The following SLC14A2 variants were observed in gnomAD, a reference collection of about 807,000 sequenced individuals.
The protein encoded by SLC14A2 is urea transporter 2.
SLC14A2 carries 91 observed loss-of-function variants against 104.6 expected under a neutral mutation model. That is an observed-to-expected ratio of 0.87 (90% CI 0.73 to 1.04). The LOEUF is 1.04. SLC14A2 is among the 50% of genes least tolerant of loss of function. The pLI is 0.00. For synonymous variants in SLC14A2, 476 were observed against 466.4 expected, an observed-to-expected ratio of 1.02 and a Z score of -0.27; for missense variants, 1,189 against 1,156.0, an observed-to-expected ratio of 1.03 and a Z score of -0.41.
At chr18:45,407,564 C>T (rs1488033823) in intron 1 of SLC14A2, among the ~76,000 whole-genome samples, 1 of 152,210 alleles carries the variant, frequency 6.6e-6, no homozygotes, top group African/African-American at 2.4e-5. Context: ...GGCTAACTGG[C>T]TCAAGAATCC....
chr18:45,397,935 A>T (rs1165070867), intron 1 of SLC14A2, among the ~76,000 whole-genome samples: 1 of 101,710 alleles, frequency 9.8e-6, no homozygotes, highest in Non-Finnish European at 2.3e-5. Context: ...TGTGATTATG[A>T]TATAAATAAA....
At chr18:45,215,844 T>A (rs2084005715) in intron 1 of SLC14A2, among the ~76,000 whole-genome samples, 2 of 151,912 alleles carry the variant, frequency 1.3e-5, no homozygotes, top group Non-Finnish European at 2.9e-5. Context: ...ATAATGGTAT[T>A]TTTTTTTGGT....
intron 1 of SLC14A2, among the ~76,000 whole-genome samples, chr18:45,480,652 C>T (rs2144695893): frequency 6.6e-6 from 1 of 152,286 alleles, no homozygotes; most frequent in African/African-American, 2.4e-5. Flanking sequence ...GCAGAGCTCC[C>T]CTTACATGCC....
At chr18:45,628,442 CAAA>C (rs59400362) in intron 4 of SLC14A2, among the ~76,000 whole-genome samples, 35 of 124,280 alleles carry the variant, frequency 2.8e-4, no homozygotes, top group Non-Finnish European at 3.4e-4. Context: ...GACTCTGCCT[CAAA>C]AAAAAAAAAA....
In SLC14A2 at chr18:45,388,225, G is replaced by T. The variant is rs184432766; in HGVS notation, c.-124-95008G>T. Among the ~76,000 whole-genome samples, 674 of 151,906 alleles carry T rather than the reference G, an allele frequency of 4.4e-3. 16 individuals carry two copies. Among genetic ancestry groups the T allele is most frequent in the Admixed American group, 0.042 (635 of 15,246 alleles). ...CTACAGGTGCCTGCCAACACGCCCG[G>T]CTAATTTTTTGTATTTTTAGTAGAG... On this transcript the variant is annotated intron_variant, in intron 1 of 20. Coordinates refer to the SLC14A2 transcript ENST00000586448.
At chr18:45,657,892 C>T (rs2045868852) in intron 10 of SLC14A2, among the ~76,000 whole-genome samples, 1 of 152,180 alleles carries the variant, frequency 6.6e-6, no homozygotes, top group Non-Finnish European at 1.5e-5. Flanking sequence ...ATCCCACTTA[C>T]CACCCACAAG....
chr18:45,665,209 T>G (rs2045996435), intron 11 of SLC14A2, among the ~76,000 whole-genome samples: 1 of 152,116 alleles, frequency 6.6e-6, no homozygotes, highest in African/African-American at 2.4e-5. Context: ...CCCTGACGAC[T>G]CATGAGTGCA....
rs531598044 is a variant in SLC14A2, at chr18:45,654,068, G to A, written c.1352-9717G>A. Among the ~76,000 whole-genome samples the A allele has an allele frequency of 1.2e-4, 19 of 152,276 alleles. No individual in the cohort carries two copies. The East Asian group carries it at 2.7e-3, about 22-fold the overall frequency. ...GAAACCTACCTGATCCAACCAGGTCGGGGGAACCATGGTAGCTGAAGCTAG... is the reference window on the plus strand; with the variant it reads ...GAAACCTACCTGATCCAACCAGGTCAGGGGAACCATGGTAGCTGAAGCTAG... On this transcript the variant is annotated intron_variant, in intron 10 of 19. Coordinates refer to ENST00000255226, the MANE Select transcript of SLC14A2 (RefSeq NM_007163.4).
chr18:45,419,114 A>G (rs899097463), intron 1 of SLC14A2, among the ~76,000 whole-genome samples: 3 of 152,266 alleles, frequency 2.0e-5, no homozygotes, highest in Admixed American at 6.5e-5. Flanking sequence ...TCACTAAGCT[A>G]TGACCAACCT....
At chr18:45,640,937 G>A (rs2045516804) in intron 7 of SLC14A2, among the ~76,000 whole-genome samples, 1 of 152,200 alleles carries the variant, frequency 6.6e-6, no homozygotes, top group African/African-American at 2.4e-5. Flanking sequence ...AGTAAGAAGG[G>A]GCCTAGAATC....
chr18:45,271,057 C>T (rs1390864954), intron 1 of SLC14A2, among the ~76,000 whole-genome samples: 2 of 152,222 alleles, frequency 1.3e-5, no homozygotes, highest in East Asian at 1.9e-4. Flanking sequence ...CTTCCCTTCT[C>T]TGCTTCCCAC....
At chr18:45,590,519 G>A (rs1204286554) in intron 2 of SLC14A2, among the ~76,000 whole-genome samples, 3 of 152,172 alleles carry the variant, frequency 2.0e-5, no homozygotes, top group Admixed American at 2.0e-4. Flanking sequence ...ACCGCCACAG[G>A]ACATGGGCAA....
In SLC14A2 at chr18:45,485,580, A is replaced by G. The variant is rs137972604; in HGVS notation, c.-35+2258A>G. Reference sequence around the variant, plus strand: ...AGAGGGAAGAAAATGGGTGCCCTCCAGTTTGGTATGTTTGGAAACAACACT... The same window carrying G: ...AGAGGGAAGAAAATGGGTGCCCTCCGGTTTGGTATGTTTGGAAACAACACT... On this transcript the variant is annotated intron_variant, in intron 2 of 20. Transcript: ENST00000586448. 2.7e-4 allele frequency among the ~76,000 whole-genome samples: 41 copies of G among 152,308 alleles called. No homozygotes were observed. The East Asian group carries it at 6.6e-3, about 24-fold the overall frequency.
chr18:45,268,302 C>T lies in SLC14A2; in HGVS notation c.-125+55111C>T, dbSNP rs147293120. On this transcript the variant is annotated intron_variant, in intron 1 of 20. Transcript: ENST00000586448. The stretch of plus-strand genomic sequence containing the variant: ...CTGGAGAATTTAAATATGTTCCTTC[C>T]TCAAACTATAGGAGAAGTAGAAGAA... Among the ~76,000 whole-genome samples the T allele has an allele frequency of 1.2e-3, 187 of 152,238 alleles. 5 individuals are homozygous for T. In the East Asian group the frequency reaches 0.034, roughly 28 times the overall value.
chr18:45,568,355 CTCCACCAGAG>C (rs1181359156), intron 2 of SLC14A2, among the ~76,000 whole-genome samples: 1 of 152,230 alleles, frequency 6.6e-6, no homozygotes, highest in Non-Finnish European at 1.5e-5. Context: ...CATATAGCAT[CTCCACCAGAG>C]AAGCAGAGGG....
chr18:45,224,913 T>A (rs2084099108), intron 1 of SLC14A2, among the ~76,000 whole-genome samples: 1 of 152,184 alleles, frequency 6.6e-6, no homozygotes, highest in Non-Finnish European at 1.5e-5. Flanking sequence ...ATGGGTAGAT[T>A]GTAAAAATTT....
chr18:45,640,137 G>A (rs756852566), intron 7 of SLC14A2, among the ~76,000 whole-genome samples: 2 of 152,078 alleles, frequency 1.3e-5, no homozygotes, highest in African/African-American at 4.8e-5. Flanking sequence ...TTAGCTGGGT[G>A]TGGTGGTGGG....
chr18:45,581,131 G>GA (rs1464845496), intron 2 of SLC14A2, among the ~76,000 whole-genome samples: 1 of 152,216 alleles, frequency 6.6e-6, no homozygotes, highest in Non-Finnish European at 1.5e-5. Flanking sequence ...AGGGTGGAGT[G>GA]AGGGTATATG....
At chr18:45,203,911 C>A in the SLC14A2 span, among the ~76,000 whole-genome samples, 5 of 152,194 alleles carry the variant, frequency 3.3e-5, no homozygotes, top group African/African-American at 1.2e-4. Context: ...ATTCTCCAAC[C>A]AGCCTGTGTA....
Sources: allele counts gnomAD v4.1 joint callset (sites outside exome capture counted in the v4.1 genomes callset), GRCh38; gene constraint gnomAD v4.1.1; transcripts MANE v1.5; gene names NCBI Gene and HGNC (gene_info 2026-07-23, HGNC 2026-07-21).